Variants in HELZ2 observed in about 807,000 individuals in gnomAD.
HELZ2 encodes 3'-5' exoribonuclease HELZ2.
In HELZ2, 143 loss-of-function variants were observed where a neutral mutation model predicts 208.8. The observed-to-expected ratio is 0.68, with a 90% confidence interval of 0.60 to 0.79. HELZ2 has a LOEUF of 0.79. HELZ2 is among the 30% of genes least tolerant of loss of function. The pLI is 0.00. For missense variants in HELZ2, 3,690 were observed against 3,794.5 expected (o/e 0.97, Z 0.72); for synonymous variants, 1,705 against 1,693.7 (o/e 1.01, Z -0.16).
chr20:63,567,392 C>A (rs747663473), exon 6 of HELZ2: 2 of 1,588,550 alleles, frequency 1.3e-6, no homozygotes, highest in South Asian at 2.3e-5. Flanking sequence ...CCGACCGGCA[C>A]CCTGAGCTCA....
At chr20:63,561,046 G>T (rs766388524) in intron 14 of HELZ2, 36 bp downstream of exon 15, 2 of 1,598,904 alleles carry the variant, frequency 1.3e-6, no homozygotes, top group South Asian at 1.1e-5. Context: ...TGCCAGGGAC[G>T]CCTGCTCATG....
chr20:63,558,863 T>G, downstream of HELZ2: 1 of 164,246 alleles, frequency 6.1e-6, no homozygotes, highest in Non-Finnish European at 1.3e-5. Flanking sequence ...TTCATTTAAA[T>G]AGAAAATAAA....
At position 63,564,631 on chromosome 20, in the gene HELZ2, A is replaced by T; in HGVS notation, c.4191T>A (p.Tyr1397Ter). The T allele has an allele frequency of 6.4e-7, 1 of 1,567,754 alleles. No homozygotes were observed. The highest frequency in any genetic ancestry group is 8.6e-7 in the Non-Finnish European group (1 of 1,157,178). ...TGGGCACTGGCTCCCTGCCGGGGGCATAGAACGCAGCGCCCTGCCTTCGCG... is the reference window on the plus strand; with the variant it reads ...TGGGCACTGGCTCCCTGCCGGGGGCTTAGAACGCAGCGCCCTGCCTTCGCG... The change falls in exon 8 of 19, where the codon TAT (tyrosine) becomes TAA (stop). Residue 1397 changes from tyrosine to a stop codon, truncating the protein, a stop_gained. Transcript: ENST00000467148. LOFTEE classifies it high-confidence loss of function.
chr20:63,560,677 G>A lies in HELZ2; in HGVS notation c.7302C>T (p.Phe2434=), dbSNP rs142710920. ...TGCTCTTGTAGAACGCCACAGAGGG[G>A]AAGGCACAGATGCCCTCATGCTGCA... Residue 2434 remains phenylalanine, a synonymous_variant, in exon 16 of 19, where the codon TTC becomes TTT. Coordinates refer to ENST00000467148, the Ensembl canonical transcript of HELZ2. 1.9e-5 allele frequency: 31 copies of A among 1,608,978 alleles called. No homozygotes were observed. In the African/African-American group the frequency reaches 2.4e-4, roughly 12 times the overall value.
exon 8 of HELZ2, chr20:63,565,772 G>A (rs145321285): frequency 1.1e-4 from 178 of 1,600,706 alleles, no homozygotes; most frequent in African/African-American, 4.4e-4. Flanking sequence ...CTCCGTCTGC[G>A]CTGTGGTTGC....
Position 63,568,587 on chromosome 20 carries a change from A to AG in HELZ2, c.1500dup (p.Cys501LeufsTer66), listed in dbSNP as rs1178522751. On this transcript the variant is annotated frameshift_variant, in exon 5 of 19. Coordinates refer to ENST00000467148, the Ensembl canonical transcript of HELZ2. LOFTEE classifies it high-confidence loss of function. ...ACAGACCAAGGTCTGGGCAGGGCGC[A>AG]GGTGGGCAAGTCGGGCACCACCAGC... 10 of 1,594,064 alleles carry AG rather than the reference A, an allele frequency of 6.3e-6. No individual in the cohort carries two copies. Among genetic ancestry groups the AG allele is most frequent in the Non-Finnish European group, 8.5e-6 (10 of 1,174,660 alleles).
At chr20:63,567,960 T>G in intron 5 of HELZ2, 1 of 529,012 alleles carries the variant, frequency 1.9e-6, no homozygotes. Context: ...TGGGCAGGGA[T>G]GGGAAGGCCC....
Position 63,569,650 on chromosome 20 carries a change from C to G in HELZ2, c.586G>C (p.Val196Leu). ...CCTGGCTCCTGCTTCAGCAGGGCCA[C>G]GTGTAGCAGGGGCTCCTGGAGAGGA... The change falls in exon 4 of 19, where the codon GTG (valine) becomes CTG (leucine). Residue 196 changes from valine to leucine, a missense_variant. This residue lies in a region of HELZ2 where 1,119 missense variants were observed against 1,193.4 expected (regional missense o/e 0.94). Coordinates refer to ENST00000467148, the Ensembl canonical transcript of HELZ2. 6.5e-7 allele frequency: 1 copy of G among 1,534,860 alleles called. No homozygotes were observed. Among genetic ancestry groups the G allele is most frequent in the Middle Eastern group, 1.7e-4 (1 of 5,716 alleles).
At chr20:63,567,221 C>G (rs535911958) in exon 6 of HELZ2, 2 of 1,607,356 alleles carry the variant, frequency 1.2e-6, no homozygotes, top group Non-Finnish European at 1.7e-6. Flanking sequence ...AGCGTGTGCT[C>G]GGCCGCCCGG....
exon 3 of HELZ2, chr20:63,570,508 G>A: frequency 6.2e-7 from 1 of 1,612,664 alleles, no homozygotes; most frequent in East Asian, 2.2e-5. Flanking sequence ...GCTCACCTCA[G>A]AGTGGACGGC....
chr20:63,569,350 T>C (rs1281217710), exon 4 of HELZ2: 2 of 1,604,502 alleles, frequency 1.2e-6, no homozygotes, highest in Admixed American at 3.4e-5. Flanking sequence ...CGGTTGCCAG[T>C]GTGCCAGCGC....
chr20:63,564,884 T>C, exon 8 of HELZ2: 2 of 1,612,354 alleles, frequency 1.2e-6, no homozygotes. Flanking sequence ...GATGGTGGCC[T>C]GGTCCGACGG....
exon 17 of HELZ2, chr20:63,560,182 G>A: frequency 6.4e-7 from 1 of 1,555,518 alleles, no homozygotes; most frequent in Non-Finnish European, 8.7e-7. Flanking sequence ...CTGGCTCTTG[G>A]TGATGGAGGA....
At chr20:63,560,848 G>A (rs2146006265) in exon 15 of HELZ2, 1 of 1,613,300 alleles carries the variant, frequency 6.2e-7, no homozygotes, top group Non-Finnish European at 8.5e-7. Flanking sequence ...CGCTCGAACA[G>A]AGACCGGTCC....
chr20:63,573,883 A>C (rs1214052242), upstream of HELZ2, among the ~76,000 whole-genome samples: 3 of 152,130 alleles, frequency 2.0e-5, no homozygotes, highest in Non-Finnish European at 4.4e-5. This position sits in a 1 kb window ranked among gnomAD's most constrained non-coding sequence, Gnocchi z 4.9. Flanking sequence ...CCCCTCTGAG[A>C]AAACATCCGA....
chr20:63,565,996 G>A, exon 8 of HELZ2: 1 of 1,598,292 alleles, frequency 6.3e-7, no homozygotes, highest in Non-Finnish European at 8.5e-7. Context: ...GGCCCTCGGG[G>A]CAGACACTGT....
chr20:63,569,738 G>A lies in HELZ2; in HGVS notation c.571-73C>T, dbSNP rs182251434. On this transcript the variant is annotated intron_variant, in intron 3 of 18. Coordinates refer to ENST00000467148, the Ensembl canonical transcript of HELZ2. ...CCTCCCGAGAGGCAGCCTGGCCAGC[G>A]TAGCCCAAGTGCAGGGTTCAGGTCC... 4,055 of 1,406,918 alleles carry A rather than the reference G, an allele frequency of 2.9e-3. 11 individuals carry two copies. The highest frequency in any genetic ancestry group is 4.6e-3 in the Middle Eastern group (18 of 3,880). The allele number at this position is 1,406,918 out of a possible 1,614,324, so 87.2% of individuals were successfully genotyped here.
rs114411144 is a variant in HELZ2 at position 63,567,621 on chromosome 20, G to A, written c.1737C>T (p.Ala579=). The stretch of plus-strand genomic sequence containing the variant: ...GGAAATACTCCCGGATGTAGATGTC[G>A]GCGGCACTGCGGGAGGGGGAGGAGC... The change falls in exon 6 of 19, where the codon GCC becomes GCT. Residue 579 remains alanine (A), a synonymous_variant. Coordinates refer to ENST00000467148, the Ensembl canonical transcript of HELZ2. The A allele has an allele frequency of 2.0e-4, 327 of 1,599,942 alleles. 2 individuals are homozygous for A. The East Asian group carries it at 6.9e-3, about 34-fold the overall frequency.
chr20:63,565,908 C>A, exon 8 of HELZ2: 1 of 1,597,408 alleles, frequency 6.3e-7, no homozygotes, highest in East Asian at 2.2e-5. Context: ...TCCCAGTTCC[C>A]CGCTGCCCCA....
Sources: allele counts gnomAD v4.1 joint callset (sites outside exome capture counted in the v4.1 genomes callset), GRCh38; gene constraint gnomAD v4.1.1; regional missense constraint gnomAD v4.1.1; non-coding constraint Gnocchi (gnomAD v3.1); transcripts MANE v1.5; gene names NCBI Gene and HGNC (gene_info 2026-07-23, HGNC 2026-07-21).